Variants in PARP8 observed in about 807,000 individuals in gnomAD.
The protein encoded by PARP8 is protein mono-ADP-ribosyltransferase PARP8.
In PARP8, 51 loss-of-function variants were observed where a neutral mutation model predicts 124.1. That is an observed-to-expected ratio of 0.41 (90% CI 0.33 to 0.52). The LOEUF is 0.52. PARP8 is among the 20% of genes least tolerant of loss of function. The pLI is 0.21. For synonymous variants in PARP8, 391 were observed against 361.5 expected, an observed-to-expected ratio of 1.08 and a Z score of -0.93; for missense variants, 860 against 1,018.9, an observed-to-expected ratio of 0.84 and a Z score of 2.12.
chr5:50,694,113 T>G (rs1214993361), intron 2 of PARP8, among the ~76,000 whole-genome samples: 1 of 152,198 alleles, frequency 6.6e-6, no homozygotes, highest in East Asian at 1.9e-4. Flanking sequence ...TTTATGTTGC[T>G]TCCAGTATCC....
At chr5:50,763,598 C>G (rs1393820699) in intron 7 of PARP8, among the ~76,000 whole-genome samples, 1 of 151,576 alleles carries the variant, frequency 6.6e-6, no homozygotes, top group Non-Finnish European at 1.5e-5. Context: ...TGATGCCTAC[C>G]CACTGGTATC....
rs1745733421 is a variant in PARP8 at position 50,821,249 on chromosome 5, T to C, written c.1705T>C (p.Leu569=). Residue 569 remains leucine (L), a synonymous_variant, in exon 16 of 26, where the codon TTG becomes CTG. Transcript: ENST00000281631. ...DLLVSMCRSA[L]ESPRKVVIFE... ...ACTAGTATCCATGTGTAGGTCTGCGTTGGAATCTCCTAGAAAAGTTGTGAT... is the reference window on the plus strand; with the variant it reads ...ACTAGTATCCATGTGTAGGTCTGCGCTGGAATCTCCTAGAAAAGTTGTGAT... The C allele has an allele frequency of 1.9e-6, 3 of 1,613,800 alleles. No homozygotes were observed. Among genetic ancestry groups the C allele is most frequent in the Non-Finnish European group, 2.5e-6 (3 of 1,179,886 alleles).
intron 7 of PARP8, among the ~76,000 whole-genome samples, chr5:50,764,352 A>G (rs1243560080): frequency 6.6e-6 from 1 of 152,210 alleles, no homozygotes; most frequent in Non-Finnish European, 1.5e-5. Context: ...GATTATTTTC[A>G]GTGGCACCAT....
At chr5:50,841,216 C>T (rs1458732610) in intron 25 of PARP8, among the ~76,000 whole-genome samples, 1 of 151,792 alleles carries the variant, frequency 6.6e-6, no homozygotes, top group Non-Finnish European at 1.5e-5. Flanking sequence ...ACTTGTTCCC[C>T]TCTGAATATG....
intron 2 of PARP8, among the ~76,000 whole-genome samples, chr5:50,709,932 A>ATG (rs1754572196): frequency 1.2e-5 from 1 of 81,124 alleles, no homozygotes; most frequent in South Asian, 3.3e-4. Context: ...GTATATATAT[A>ATG]TATATATATA....
At chr5:50,802,441 C>T (rs756716805) in intron 14 of PARP8, among the ~76,000 whole-genome samples, 11 of 152,072 alleles carry the variant, frequency 7.2e-5, no homozygotes, top group East Asian at 1.9e-4. Flanking sequence ...GCATCACCCT[C>T]GCAAGTAACC....
chr5:50,820,947 G>T (rs1745696455), intron 15 of PARP8, among the ~76,000 whole-genome samples: 1 of 152,134 alleles, frequency 6.6e-6, no homozygotes, highest in Non-Finnish European at 1.5e-5. Context: ...TCTTACCATA[G>T]GGTCTAGAAC....
chr5:50,684,279 G>A (rs1751612102), intron 2 of PARP8, among the ~76,000 whole-genome samples: 1 of 152,032 alleles, frequency 6.6e-6, no homozygotes, highest in Admixed American at 6.6e-5. Context: ...TTCTCAGTTT[G>A]GGTTTGTGCT....
At position 50,725,954 on chromosome 5, in the gene PARP8, C is replaced by T. The variant is rs115962172; in HGVS notation, c.147-24197C>T. Among the ~76,000 whole-genome samples, 1,032 of 152,096 alleles carry T rather than the reference C, an allele frequency of 6.8e-3. 13 individuals are homozygous for T. Among genetic ancestry groups the T allele is most frequent in the African/African-American group, 0.023 (962 of 41,484 alleles). Reference sequence around the variant, plus strand: ...CACAAGATTTCCTTCAAATCATGACCGGAGACGCATCCTGTAGAGCCTGAG... The same window carrying T: ...CACAAGATTTCCTTCAAATCATGACTGGAGACGCATCCTGTAGAGCCTGAG... On this transcript the variant is annotated intron_variant, in intron 2 of 25. Coordinates refer to ENST00000281631, the MANE Select transcript of PARP8 (RefSeq NM_024615.4).
At chr5:50,773,296 T>A (rs1488582210) in intron 7 of PARP8, among the ~76,000 whole-genome samples, 2 of 152,214 alleles carry the variant, frequency 1.3e-5, no homozygotes, top group Non-Finnish European at 2.9e-5. Flanking sequence ...TTCCAGTAAT[T>A]TTATATTTTT....
intron 14 of PARP8, among the ~76,000 whole-genome samples, chr5:50,813,401 A>T (rs887665786): frequency 8.6e-5 from 13 of 151,508 alleles, no homozygotes; most frequent in Non-Finnish European, 1.5e-4. Flanking sequence ...TTTGTCTGTT[A>T]TTGGTGTATA....
chr5:50,796,954 T>C, intron 12 of PARP8, 28 bp from the exon 13 acceptor site: 1 of 1,581,656 alleles, frequency 6.3e-7, no homozygotes, highest in Non-Finnish European at 8.6e-7. Context: ...AAAAAAATTA[T>C]CATTTTTTTT....
At chr5:50,813,375 A>C (rs1279305781) in intron 14 of PARP8, among the ~76,000 whole-genome samples, 3 of 143,074 alleles carry the variant, frequency 2.1e-5, no homozygotes, top group East Asian at 2.0e-4. Context: ...GAGTTCACTC[A>C]TGATTTGGCT....
At chr5:50,817,318 A>T (rs916845048) in intron 15 of PARP8, among the ~76,000 whole-genome samples, 2 of 152,210 alleles carry the variant, frequency 1.3e-5, no homozygotes, top group Admixed American at 1.3e-4. Context: ...ATATCAAAAG[A>T]TCAGAAAGTT....
chr5:50,674,322 A>G (rs1750370901), intron 2 of PARP8, among the ~76,000 whole-genome samples: 1 of 152,130 alleles, frequency 6.6e-6, no homozygotes, highest in Admixed American at 6.5e-5. Flanking sequence ...ACAGTTTCAG[A>G]TTTCACCTCA....
chr5:50,717,898 T>C (rs1172393084), intron 2 of PARP8, among the ~76,000 whole-genome samples: 2 of 151,286 alleles, frequency 1.3e-5, no homozygotes, highest in Non-Finnish European at 2.9e-5. Context: ...ATCATGGAGG[T>C]TGTTGATTAT....
chr5:50,793,525 G>C (rs1350859132), intron 10 of PARP8, among the ~76,000 whole-genome samples: 1 of 152,104 alleles, frequency 6.6e-6, no homozygotes, highest in African/African-American at 2.4e-5. Context: ...ATCGACATTA[G>C]GAGTTACCAA....
At chr5:50,697,696 G>A (rs1041052582) in intron 2 of PARP8, among the ~76,000 whole-genome samples, 11 of 152,088 alleles carry the variant, frequency 7.2e-5, no homozygotes, top group South Asian at 2.1e-4. Flanking sequence ...GTTTTGTAGC[G>A]GCAGGGTCTT....
At chr5:50,815,549 T>G (rs754610579) in intron 15 of PARP8, 25 bp downstream of exon 15, 1 of 1,529,372 alleles carries the variant, frequency 6.5e-7, no homozygotes, top group Non-Finnish European at 8.8e-7. Context: ...TACTAATTAT[T>G]TCTTATTTTG....
Sources: allele counts gnomAD v4.1 joint callset (sites outside exome capture counted in the v4.1 genomes callset), GRCh38; gene constraint gnomAD v4.1.1; transcripts MANE v1.5; gene names NCBI Gene and HGNC (gene_info 2026-07-23, HGNC 2026-07-21).